MARCHF1: variants seen among roughly 807,000 people sequenced by gnomAD.
MARCHF1 encodes membrane associated ring-CH-type finger 1.
A neutral mutation model predicts 54.2 loss-of-function variants in MARCHF1; 40 were observed. The ratio of observed to expected loss-of-function variants is 0.74; its 90% confidence interval spans 0.57 to 0.96. The LOEUF is 0.96. Ranked by LOEUF, MARCHF1 falls within the 40% of genes least tolerant of loss-of-function variation. The pLI is 0.00. For synonymous variants in MARCHF1, 236 were observed against 236.3 expected (o/e 1.00, Z 0.01); for missense variants, 586 against 656.5 (o/e 0.89, Z 1.17).
rs116508772 is a variant in MARCHF1, at chr4:163,575,861, C to A, written c.1191+9888G>T. Among the ~76,000 whole-genome samples, 727 of 151,904 alleles carry A rather than the reference C, an allele frequency of 4.8e-3. 5 individuals carry two copies. Among genetic ancestry groups the A allele is most frequent in the Middle Eastern group, 0.014 (4 of 294 alleles). On this transcript the variant is annotated intron_variant, in intron 8 of 9. Coordinates refer to ENST00000514618, the MANE Select transcript of MARCHF1 (RefSeq NM_001394959.1). ...GGTGTCCATAATAGTCTTTGGACATCTTTTATATTTCTGGGAGATCGGTTG... is the reference window on the plus strand; with the variant it reads ...GGTGTCCATAATAGTCTTTGGACATATTTTATATTTCTGGGAGATCGGTTG...
chr4:164,313,848 T>C (rs1379841102), intron 1 of MARCHF1, among the ~76,000 whole-genome samples: 1 of 152,160 alleles, frequency 6.6e-6, no homozygotes. Context: ...CAAGCCCTGA[T>C]GGGATTTTTC....
chr4:163,985,154 A>T (rs1752837291), intron 3 of MARCHF1, among the ~76,000 whole-genome samples: 1 of 151,628 alleles, frequency 6.6e-6, no homozygotes, highest in African/African-American at 2.4e-5. Flanking sequence ...AATTTTCTGT[A>T]GCTTCATAAT....
intron 1 of MARCHF1, among the ~76,000 whole-genome samples, chr4:164,174,209 A>G (rs1278514235): frequency 6.6e-6 from 1 of 152,168 alleles, no homozygotes; most frequent in Non-Finnish European, 1.5e-5. Flanking sequence ...GGAAAAAACA[A>G]TAAAGAAAAA....
chr4:163,733,197 A>ATATATATATATATATATACACGTG (rs1745906620), intron 4 of MARCHF1, among the ~76,000 whole-genome samples: 2 of 32,304 alleles, frequency 6.2e-5, no homozygotes, highest in African/African-American at 1.8e-4. Flanking sequence ...ATATATATAT[A>ATATATATATATATATATACACGTG]TATATATATA....
At chr4:163,721,947 T>A (rs1029030974) in intron 4 of MARCHF1, among the ~76,000 whole-genome samples, 6 of 152,142 alleles carry the variant, frequency 3.9e-5, no homozygotes, top group African/African-American at 1.4e-4. Context: ...TTGCTAGTGG[T>A]CTATCAATTT....
At chr4:163,908,288 C>T (rs1428019281) in intron 3 of MARCHF1, among the ~76,000 whole-genome samples, 2 of 152,036 alleles carry the variant, frequency 1.3e-5, no homozygotes, top group East Asian at 3.9e-4. Flanking sequence ...TAATCATGTA[C>T]CTATGACATG....
At chr4:163,833,611 G>T (rs953480695) in intron 4 of MARCHF1, among the ~76,000 whole-genome samples, 1 of 152,082 alleles carries the variant, frequency 6.6e-6, no homozygotes. Context: ...AAAAACACAT[G>T]AAAAAATGCT....
At chr4:163,675,578 C>T (rs893056716) in intron 5 of MARCHF1, among the ~76,000 whole-genome samples, 2 of 152,148 alleles carry the variant, frequency 1.3e-5, no homozygotes, top group Admixed American at 1.3e-4. Flanking sequence ...AAAATTGGAA[C>T]TGGGCAATAA....
intron 5 of MARCHF1, among the ~76,000 whole-genome samples, chr4:163,656,032 C>T (rs1743126414): frequency 6.6e-6 from 1 of 150,924 alleles, no homozygotes; most frequent in African/African-American, 2.4e-5. Context: ...CCAAAGCTAG[C>T]AGAAGACAAG....
Position 163,912,791 on chromosome 4 carries a change from C to T in MARCHF1, c.-38-58622G>A, listed in dbSNP as rs1026010113. On this transcript the variant is annotated intron_variant, in intron 3 of 9. Coordinates refer to ENST00000514618, the MANE Select transcript of MARCHF1 (RefSeq NM_001394959.1). ...GCCGGCCTTAACTCCAGTCTGAAAA[C>T]CATAGAAACCAAAATGTATTTCTGC... Among the ~76,000 whole-genome samples, 8 of 152,120 alleles carry T rather than the reference C, an allele frequency of 5.3e-5. No individual in the cohort carries two copies. In the East Asian group the frequency reaches 1.5e-3, roughly 29 times the overall value.
rs553987475 is a variant in MARCHF1, at chr4:163,800,197, A to C, written c.111+53824T>G. ...ACTATGATTATACCTGGGGAATGGA[A>C]TTATTTGTACACCAAATTTCAGCAT... is the stretch of plus-strand genomic sequence containing the variant. On this transcript the variant is annotated intron_variant, in intron 4 of 9. Coordinates refer to ENST00000514618, the MANE Select transcript of MARCHF1 (RefSeq NM_001394959.1). Among the ~76,000 whole-genome samples, 4 of 152,132 alleles carry C rather than the reference A, an allele frequency of 2.6e-5. No homozygotes were observed. In the East Asian group the frequency reaches 7.7e-4, roughly 29 times the overall value.
chr4:164,121,813 G>A (rs1031726801), intron 1 of MARCHF1, among the ~76,000 whole-genome samples: 2 of 151,954 alleles, frequency 1.3e-5, no homozygotes, highest in Non-Finnish European at 1.5e-5. Flanking sequence ...AAAAACTAGA[G>A]AAGGAGAGAT....
At chr4:163,734,166 C>T (rs1745962516) in intron 4 of MARCHF1, among the ~76,000 whole-genome samples, 1 of 152,100 alleles carries the variant, frequency 6.6e-6, no homozygotes, top group Admixed American at 6.6e-5. Flanking sequence ...AACAAAAAGA[C>T]TTGACCATTA....
rs1431005219 is a variant in MARCHF1, at chr4:164,059,374, C to T, written c.-248+52214G>A. On this transcript the variant is annotated intron_variant, in intron 2 of 9. Coordinates refer to ENST00000514618, the MANE Select transcript of MARCHF1 (RefSeq NM_001394959.1). ...ACGTGATATGCAATTCGGTAGAATG[C>T]TTCAAGACAAGGCTTTTTATTGACG... is the stretch of plus-strand genomic sequence containing the variant. 2.0e-5 allele frequency among the ~76,000 whole-genome samples: 3 copies of T among 152,104 alleles called. No homozygotes were observed. In the East Asian group the frequency reaches 5.8e-4, roughly 29 times the overall value.
chr4:163,917,239 T>G (rs947349292), intron 3 of MARCHF1, among the ~76,000 whole-genome samples: 6 of 152,202 alleles, frequency 3.9e-5, no homozygotes, highest in African/African-American at 1.4e-4. Flanking sequence ...CAGGTTTTTG[T>G]TAGGATCTTC....
intron 3 of MARCHF1, among the ~76,000 whole-genome samples, chr4:163,945,249 G>A (rs779446079): frequency 2.0e-5 from 3 of 151,536 alleles, no homozygotes; most frequent in Non-Finnish European, 4.4e-5. Context: ...TTTTTTTTCT[G>A]GGGTTCTTTT....
intron 1 of MARCHF1, among the ~76,000 whole-genome samples, chr4:164,301,089 T>G (rs1412985850): frequency 6.6e-6 from 1 of 152,058 alleles, no homozygotes; most frequent in African/African-American, 2.4e-5. Context: ...TAACACCAGA[T>G]CTTAAAGTGC....
intron 4 of MARCHF1, among the ~76,000 whole-genome samples, chr4:163,757,058 A>C (rs1303466407): frequency 6.6e-6 from 1 of 152,228 alleles, no homozygotes; most frequent in African/African-American, 2.4e-5. Flanking sequence ...ATGAAAATGG[A>C]AATTGAAATA....
intron 1 of MARCHF1, among the ~76,000 whole-genome samples, chr4:164,370,926 T>G (rs1345499181): frequency 6.6e-6 from 1 of 151,562 alleles, no homozygotes; most frequent in East Asian, 1.9e-4. Context: ...ATAAATAATA[T>G]AAATATAAAT....
Sources: gnomAD v4.1 joint callset for allele counts (sites outside exome capture counted in the v4.1 genomes callset) on GRCh38, gnomAD v4.1.1 for gene constraint, MANE v1.5 for transcripts, NCBI Gene and HGNC (gene_info 2026-07-23, HGNC 2026-07-21) for gene names.